EFCAB8: variants seen among roughly 807,000 people sequenced by gnomAD.
EFCAB8 encodes the protein EF-hand calcium-binding domain-containing protein 8.
A neutral mutation model predicts 116.3 loss-of-function variants in EFCAB8; 100 were observed. The observed-to-expected ratio is 0.86, with a 90% confidence interval of 0.73 to 1.02. EFCAB8 has a LOEUF of 1.02. Ranked by LOEUF, EFCAB8 falls within the 50% of genes least tolerant of loss-of-function variation. The pLI is 0.00. For missense variants in EFCAB8, 1,320 were observed against 1,416.9 expected (o/e 0.93, Z 1.10); for synonymous variants, 558 against 567.9 (o/e 0.98, Z 0.25).
intron 4 of EFCAB8, among the ~76,000 whole-genome samples, chr20:32,878,193 G>A (rs917601463): frequency 2.6e-5 from 4 of 152,006 alleles, no homozygotes; most frequent in African/African-American, 9.7e-5. Flanking sequence ...TTGAGCCTGG[G>A]AGATTGAGGC....
In EFCAB8 at chr20:32,879,928, G is replaced by A. The variant is rs542432127; in HGVS notation, c.431+1121G>A. On this transcript the variant is annotated intron_variant, in intron 5 of 26. Transcript: ENST00000400522. ...TCTGTGCCAGGGGTTGATCTGCCTC[G>A]CTGTGTGTTCCTCCCCCTGGACTCC... 8.5e-5 allele frequency among the ~76,000 whole-genome samples: 13 copies of A among 152,228 alleles called. 1 individual carries two copies. In the East Asian group the frequency reaches 1.2e-3, roughly 14 times the overall value.
chr20:32,930,312 TG>T, intron 20 of EFCAB8, 85 bp from the exon 21 acceptor site: 6 of 1,115,964 alleles, frequency 5.4e-6, no homozygotes, highest in Non-Finnish European at 7.6e-6. Flanking sequence ...GGGGACCAGG[TG>T]GGTGTGGTGA....
chr20:32,909,349 A>C (rs1364787752), intron 14 of EFCAB8, among the ~76,000 whole-genome samples: 3 of 152,246 alleles, frequency 2.0e-5, no homozygotes, highest in Non-Finnish European at 4.4e-5. Context: ...TGAACAGAGA[A>C]TATATGACAA....
intron 6 of EFCAB8, among the ~76,000 whole-genome samples, chr20:32,886,025 G>A (rs761737430): frequency 1.8e-4 from 27 of 152,174 alleles, no homozygotes; most frequent in Non-Finnish European, 1.5e-4. Flanking sequence ...ACGTCCTACC[G>A]ATTCAGGCCT....
Position 32,885,564 on chromosome 20 carries a change from G to A in EFCAB8, c.491G>A (p.Gly164Glu), listed in dbSNP as rs1181537296. ...VFLIHRFKKIGCFLTVTKDGI... is the reference protein window; with the variant it reads ...VFLIHRFKKIECFLTVTKDGI... ...TTAATCCACCGGTTCAAGAAGATCG[G>A]GTGTTTCCTGACTGTCACCAAAGAC... The change falls in exon 6 of 27, where the codon GGG (glycine) becomes GAG (glutamate). Residue 164 changes from glycine to glutamate, a missense_variant. Gly to Glu is a moderately conservative substitution (Grantham distance 98). Coordinates refer to ENST00000400522, the MANE Select transcript of EFCAB8 (RefSeq NM_001143967.2). The A allele has an allele frequency of 1.9e-6, 3 of 1,551,626 alleles. No individual in the cohort carries two copies. The highest frequency in any genetic ancestry group is 2.6e-6 in the Non-Finnish European group (3 of 1,147,022).
intron 7 of EFCAB8, among the ~76,000 whole-genome samples, chr20:32,891,825 C>A (rs1007597326): frequency 4.5e-5 from 6 of 133,126 alleles, no homozygotes; most frequent in Non-Finnish European, 5.2e-5. Flanking sequence ...TGGAAGGAGT[C>A]AGTTTTTTTT....
chr20:32,945,542 T>G (rs1988567058), intron 23 of EFCAB8, among the ~76,000 whole-genome samples: 1 of 152,206 alleles, frequency 6.6e-6, no homozygotes, highest in Non-Finnish European at 1.5e-5. Flanking sequence ...TGTTGAGCAT[T>G]TTTATTACGG....
chr20:32,882,924 T>C (rs1433759407), intron 5 of EFCAB8, among the ~76,000 whole-genome samples: 1 of 151,968 alleles, frequency 6.6e-6, no homozygotes, highest in Non-Finnish European at 1.5e-5. Context: ...CTCAATCTCC[T>C]GACCTCATGA....
intron 15 of EFCAB8, among the ~76,000 whole-genome samples, chr20:32,911,128 C>T (rs1013864601): frequency 6.6e-6 from 1 of 152,154 alleles, no homozygotes; most frequent in Admixed American, 6.6e-5. Context: ...CAGTTCCCTA[C>T]TTAGGGGGCA....
At chr20:32,934,704 A>G (rs980444771) in intron 22 of EFCAB8, among the ~76,000 whole-genome samples, 2 of 152,150 alleles carry the variant, frequency 1.3e-5, no homozygotes, top group African/African-American at 2.4e-5. Flanking sequence ...ATAAGTCTCA[A>G]GAGATATGAT....
rs548194615 is a variant in EFCAB8 at position 32,867,575 on chromosome 20, G to A, written c.43-7G>A. 18 of 1,550,628 alleles carry A rather than the reference G, an allele frequency of 1.2e-5. No individual in the cohort carries two copies. The highest frequency in any genetic ancestry group is 9.9e-5 in the Admixed American group (5 of 50,750). ...TCAGTCCCTGGTTCTTGTTATATTCGTTCCAGCTGTCCATCCCACATGGCT... is the reference window on the plus strand; with the variant it reads ...TCAGTCCCTGGTTCTTGTTATATTCATTCCAGCTGTCCATCCCACATGGCT... On this transcript the variant is annotated splice_region_variant and splice_polypyrimidine_tract_variant and intron_variant, in intron 2 of 26. Coordinates refer to ENST00000400522, the MANE Select transcript of EFCAB8 (RefSeq NM_001143967.2).
chr20:32,908,363 G>T lies in EFCAB8; in HGVS notation c.1397G>T (p.Ser466Ile). ...FFALGNCPIT[S>I]AYFFEKDNTL... ...GCTCTGGGAAACTGCCCCATCACCAGTGCCTACTTCTTCGAGAAGGACAAT... is the reference window on the plus strand; with the variant it reads ...GCTCTGGGAAACTGCCCCATCACCATTGCCTACTTCTTCGAGAAGGACAAT... The change falls in exon 14 of 27, where the codon AGT (serine) becomes ATT (isoleucine). Residue 466 changes from serine to isoleucine, a missense_variant. Coordinates refer to ENST00000400522, the MANE Select transcript of EFCAB8 (RefSeq NM_001143967.2). The T allele has an allele frequency of 8.0e-7, 1 of 1,249,978 alleles. No homozygotes were observed. The highest frequency in any genetic ancestry group is 1.5e-5 in the African/African-American group (1 of 64,620). The allele number at this position is 1,249,978 out of a possible 1,614,324, so 77.4% of individuals were successfully genotyped here.
chr20:32,907,765 C>T (rs182791769), intron 13 of EFCAB8, among the ~76,000 whole-genome samples: 24 of 152,262 alleles, frequency 1.6e-4, no homozygotes, highest in African/African-American at 5.1e-4. Context: ...GGTCCCCAGT[C>T]GGCCATGGGC....
intron 9 of EFCAB8, among the ~76,000 whole-genome samples, chr20:32,896,023 C>T (rs1488492450): frequency 6.6e-6 from 1 of 152,162 alleles, no homozygotes; most frequent in African/African-American, 2.4e-5. Context: ...CCTGTGCTTT[C>T]TGGACAAGGG....
intron 6 of EFCAB8, among the ~76,000 whole-genome samples, chr20:32,886,331 A>G (rs1985628228): frequency 6.6e-6 from 1 of 152,082 alleles, no homozygotes; most frequent in Non-Finnish European, 1.5e-5. Flanking sequence ...CTTGGCTGAG[A>G]GTAGTAAGTG....
chr20:32,943,945 C>T (rs1021736074), intron 23 of EFCAB8, 141 bp downstream of exon 23: 1 of 401,694 alleles, frequency 2.5e-6, no homozygotes, highest in Admixed American at 4.4e-5. Context: ...AATAATATTA[C>T]AGTCTGTCCA....
chr20:32,933,330 AATTTT>A (rs1429859951), intron 22 of EFCAB8, among the ~76,000 whole-genome samples: 1 of 152,190 alleles, frequency 6.6e-6, no homozygotes, highest in Non-Finnish European at 1.5e-5. Context: ...TTTCTTTAAA[AATTTT>A]ATTGTTTCAA....
intron 23 of EFCAB8, among the ~76,000 whole-genome samples, chr20:32,950,314 C>T (rs1988759674): frequency 6.6e-6 from 1 of 152,110 alleles, no homozygotes; most frequent in African/African-American, 2.4e-5. Flanking sequence ...AATATATAAA[C>T]TCTCAGAACT....
intron 1 of EFCAB8, among the ~76,000 whole-genome samples, chr20:32,862,349 A>G (rs975635857): frequency 7.3e-5 from 11 of 151,164 alleles, no homozygotes; most frequent in African/African-American, 2.2e-4. Context: ...GCTGGTCTCA[A>G]ACTCCTGGAT....
Sources: allele counts gnomAD v4.1 joint callset (sites outside exome capture counted in the v4.1 genomes callset), GRCh38; gene constraint gnomAD v4.1.1; transcripts MANE v1.5; gene names NCBI Gene and HGNC (gene_info 2026-07-23, HGNC 2026-07-21).